The following DLG2 variants were observed in gnomAD, a reference collection of about 807,000 sequenced individuals.
DLG2 encodes discs large MAGUK scaffold protein 2.
A neutral mutation model predicts 132.5 loss-of-function variants in DLG2; 45 were observed. That is an observed-to-expected ratio of 0.34 (90% CI 0.27 to 0.44). DLG2 has a LOEUF of 0.44. Among genes scored for constraint, DLG2 ranks in the 20% least tolerant of loss-of-function variants. DLG2 has a pLI of 1.00. For missense variants in DLG2, 1,045 were observed against 1,196.9 expected, an observed-to-expected ratio of 0.87 and a Z score of 1.87; for synonymous variants, 424 against 419.6, an observed-to-expected ratio of 1.01 and a Z score of -0.13.
chr11:84,411,955 T>TGTGCCAA (rs1266627473), intron 7 of DLG2, among the ~76,000 whole-genome samples: 2 of 151,492 alleles, frequency 1.3e-5, no homozygotes, highest in Non-Finnish European at 2.9e-5. Context: ...CCAAATACTA[T>TGTGCCAA]GTACTGGATT....
intron 22 of DLG2, chr11:83,483,395 C>T: frequency 3.3e-6 from 3 of 911,830 alleles, no homozygotes; most frequent in Non-Finnish European, 5.5e-6. Context: ...ACTACCATGA[C>T]AGACCGTGCT....
chr11:83,725,257 C>T (rs1031990162), intron 18 of DLG2: 13 of 219,560 alleles, frequency 5.9e-5, no homozygotes, highest in Middle Eastern at 1.6e-3. Flanking sequence ...TGCTGAAGGA[C>T]GCCAGGAAGA....
At chr11:84,301,648 ACT>A (rs2098155111) in intron 7 of DLG2, among the ~76,000 whole-genome samples, 2 of 128,584 alleles carry the variant, frequency 1.6e-5, no homozygotes, top group South Asian at 2.9e-4. Flanking sequence ...GACAGGCGAG[ACT>A]CAAAAAAAAA....
intron 19 of DLG2, among the ~76,000 whole-genome samples, chr11:83,614,933 T>C: frequency 6.6e-6 from 1 of 152,210 alleles, no homozygotes; most frequent in East Asian, 1.9e-4. Context: ...TTGCTTTGGG[T>C]GGCTTAAAAA....
At chr11:84,708,091 C>G (rs1302264231) in intron 6 of DLG2, among the ~76,000 whole-genome samples, 1 of 151,702 alleles carries the variant, frequency 6.6e-6, no homozygotes, top group African/African-American at 2.4e-5. Context: ...GCCATCTAGT[C>G]TAGCCCCCAA....
At chr11:85,015,702 T>C (rs1027502210) in intron 6 of DLG2, among the ~76,000 whole-genome samples, 1 of 152,182 alleles carries the variant, frequency 6.6e-6, no homozygotes, top group Non-Finnish European at 1.5e-5. Flanking sequence ...AAGCTCATCA[T>C]ACCGTGCCTG....
chr11:84,420,934 C>T (rs922017273), intron 7 of DLG2, among the ~76,000 whole-genome samples: 1 of 152,038 alleles, frequency 6.6e-6, no homozygotes, highest in African/African-American at 2.4e-5. Flanking sequence ...TCCCAAAGTG[C>T]TGGGATTACA....
intron 7 of DLG2, among the ~76,000 whole-genome samples, chr11:84,415,637 G>T (rs1357577201): frequency 6.6e-6 from 1 of 152,152 alleles, no homozygotes; most frequent in Non-Finnish European, 1.5e-5. Context: ...TGTCATAGGT[G>T]TGGCCAGCGC....
intron 17 of DLG2, among the ~76,000 whole-genome samples, chr11:83,791,808 G>A (rs923471477): frequency 2.0e-5 from 3 of 152,296 alleles, no homozygotes; most frequent in African/African-American, 7.2e-5. Flanking sequence ...CAGGACCGGC[G>A]TGACTGCTGC....
chr11:85,118,539 T>C lies in DLG2; in HGVS notation c.283-6804A>G, dbSNP rs532854026. ...ATTAAAGGATTATAAATGGAAACCATTGTTGTGACTTGATATTTCAGGGTA... is the reference window on the plus strand; with the variant it reads ...ATTAAAGGATTATAAATGGAAACCACTGTTGTGACTTGATATTTCAGGGTA... On this transcript the variant is annotated intron_variant, in intron 5 of 27. Transcript: ENST00000376104. 9.9e-5 allele frequency among the ~76,000 whole-genome samples: 15 copies of C among 152,148 alleles called. No homozygotes were observed. In the East Asian group the frequency reaches 1.2e-3, roughly 12 times the overall value.
intron 11 of DLG2, among the ~76,000 whole-genome samples, chr11:83,982,599 T>C (rs892602650): frequency 7.2e-5 from 11 of 152,034 alleles, no homozygotes; most frequent in Non-Finnish European, 1.6e-4. Context: ...AGTCAAAAAG[T>C]TCATAAAGTA....
chr11:83,929,887 TA>T (rs1314538032), intron 15 of DLG2, among the ~76,000 whole-genome samples: 1 of 152,208 alleles, frequency 6.6e-6, no homozygotes, highest in Admixed American at 6.5e-5. Context: ...ATATTTTAGT[TA>T]AAATATTAAA....
intron 3 of DLG2, among the ~76,000 whole-genome samples, chr11:85,404,450 C>T (rs750099986): frequency 6.6e-6 from 1 of 151,920 alleles, no homozygotes; most frequent in African/African-American, 2.4e-5. Flanking sequence ...ACAGAACAAT[C>T]ATTGTAGGTA....
Position 84,677,609 on chromosome 11 carries a change from T to C in DLG2, c.358-142878A>G, listed in dbSNP as rs141865434. Among the ~76,000 whole-genome samples the C allele has an allele frequency of 1.0e-3, 152 of 152,062 alleles. 4 individuals carry two copies. The East Asian group carries it at 0.028, about 28-fold the overall frequency. On this transcript the variant is annotated intron_variant, in intron 6 of 27. Transcript: ENST00000376104. ...TTCAACCACTAAAAATGTTGCTGAG[T>C]ATAGTGGCTTATGCCTGGAATCCTA...
intron 6 of DLG2, among the ~76,000 whole-genome samples, chr11:84,836,926 T>A (rs907794227): frequency 8.6e-5 from 13 of 151,874 alleles, no homozygotes; most frequent in African/African-American, 3.1e-4. Flanking sequence ...TTGTTACAGA[T>A]GTATACATGT....
chr11:84,907,385 T>A (rs965532963), intron 6 of DLG2, among the ~76,000 whole-genome samples: 1 of 152,180 alleles, frequency 6.6e-6, no homozygotes, highest in Non-Finnish European at 1.5e-5. Flanking sequence ...ATAACAAGAA[T>A]AGAATAGGAA....
chr11:84,652,882 A>G (rs1465883920), intron 6 of DLG2, among the ~76,000 whole-genome samples: 2 of 152,010 alleles, frequency 1.3e-5, no homozygotes, highest in African/African-American at 4.8e-5. Flanking sequence ...AGTGTGTTTC[A>G]CAAGATAGTG....
Position 85,125,806 on chromosome 11 carries a change from TACACACACAC to T in DLG2, c.283-14081_283-14072del, listed in dbSNP as rs71465021. Among the ~76,000 whole-genome samples, 1,451 of 148,490 alleles carry T rather than the reference TACACACACAC, an allele frequency of 9.8e-3. 18 individuals are homozygous for T. Among genetic ancestry groups the T allele is most frequent in the East Asian group, 0.071 (361 of 5,064 alleles). ...AGTACCTTCAATGTCCCAGACATTA[TACACACACAC>T]ACACACACACACACACACACACACA... On this transcript the variant is annotated intron_variant, in intron 5 of 27. Coordinates refer to ENST00000376104, the MANE Select transcript of DLG2 (RefSeq NM_001142699.3).
At chr11:84,702,713 G>A (rs978389392) in intron 6 of DLG2, among the ~76,000 whole-genome samples, 2 of 151,414 alleles carry the variant, frequency 1.3e-5, no homozygotes, top group Non-Finnish European at 3.0e-5. Context: ...TTTAAATCAG[G>A]CCTTATATAC....
Sources: gnomAD v4.1 joint callset for allele counts (sites outside exome capture counted in the v4.1 genomes callset) on GRCh38, gnomAD v4.1.1 for gene constraint, MANE v1.5 for transcripts, NCBI Gene and HGNC (gene_info 2026-07-23, HGNC 2026-07-21) for gene names.